Variants in ZNF473 observed in about 807,000 individuals in gnomAD.
ZNF473 encodes the protein zinc finger protein 100 homolog.
Under a neutral mutation model 11.1 loss-of-function variants are expected in ZNF473, and 4 were observed. The observed-to-expected ratio is 0.36, with a 90% CI of 0.18 to 0.82. The LOEUF (loss-of-function observed/expected upper bound fraction) is 0.82, where lower values mean the gene tolerates loss of function less well. Ranked by LOEUF, ZNF473 falls within the 40% of genes least tolerant of loss-of-function variation. The probability of loss-of-function intolerance (pLI) is 0.49; values close to 1 mark genes in which losing one functional copy is unlikely to be tolerated. For synonymous variants in ZNF473, 404 were observed against 390.4 expected (o/e 1.03, Z -0.41); for missense variants, 854 against 1,084.0 (o/e 0.79, Z 2.98).
At position 50,039,257 on chromosome 19, in the gene ZNF473, T is replaced by C. The variant is rs1978642351; in HGVS notation, c.106T>C (p.Leu36=). The C allele has an allele frequency of 1.2e-6, 2 of 1,614,090 alleles. No homozygotes were observed. The highest frequency in any genetic ancestry group is 1.3e-5 in the African/African-American group (1 of 75,042). ...GGGGGACACGTTCTGGGACACAGCGTTGGACAATTGCCAGGACCTCTTCCT... is the reference window on the plus strand; with the variant it reads ...GGGGGACACGTTCTGGGACACAGCGCTGGACAATTGCCAGGACCTCTTCCT... ...EQGDTFWDTA[L]DNCQDLFLLD... The change falls in exon 3 of 5, where the codon TTG becomes CTG. Residue 36 remains leucine (L), a synonymous_variant. Transcript: ENST00000270617. This position sits in a 1 kb window ranked among gnomAD's most constrained non-coding sequence, Gnocchi z 4.8.
At chr19:50,031,906 A>G (rs2077320090) in intron 2 of ZNF473, among the ~76,000 whole-genome samples, 1 of 151,650 alleles carries the variant, frequency 6.6e-6, no homozygotes, top group East Asian at 1.9e-4. Context: ...GCTTTCCCTG[A>G]CCTCAAGGCA....
chr19:50,026,783 G>A (rs1030453501), intron 1 of ZNF473, among the ~76,000 whole-genome samples: 5 of 152,108 alleles, frequency 3.3e-5, no homozygotes, highest in Admixed American at 1.3e-4. Flanking sequence ...AGAGGTTGCA[G>A]TGAGCTGAGA....
At position 50,045,769 on chromosome 19, in the gene ZNF473, G is replaced by T. The variant is rs767415345; in HGVS notation, c.1326G>T (p.Arg442=). The change falls in exon 5 of 5, where the codon CGG becomes CGT. Residue 442 remains arginine, a synonymous_variant. Coordinates refer to ENST00000270617, the MANE Select transcript of ZNF473 (RefSeq NM_015428.4). ...KCSECGKAFH[R]HTHLNEHRRI... ...GTGAGTGTGGGAAGGCCTTCCACCG[G>T]CACACTCACCTTAATGAACATCGGC... The T allele has an allele frequency of 1.2e-6, 2 of 1,613,898 alleles. No homozygotes were observed. The highest frequency in any genetic ancestry group is 1.1e-5 in the South Asian group (1 of 91,074).
chr19:50,037,637 A>G (rs778252384), intron 2 of ZNF473, among the ~76,000 whole-genome samples: 7 of 150,922 alleles, frequency 4.6e-5, no homozygotes, highest in Non-Finnish European at 8.8e-5. Flanking sequence ...CCTGGGCAAC[A>G]TGGCAAGACT....
rs1467519102 is a variant in ZNF473, at chr19:50,048,268, G to GT, written c.*1212dup. ...TACCAGTGTCTTGTCAGCTCTGGGT[G>GT]TTTGTTCCCTGCCACTAAGTGGCTC... On this transcript the variant is annotated 3_prime_UTR_variant, in exon 5 of 5. Coordinates refer to ENST00000270617, the MANE Select transcript of ZNF473 (RefSeq NM_015428.4). 1.3e-5 allele frequency: 2 copies of GT among 152,268 alleles called. No homozygotes were observed. The highest frequency in any genetic ancestry group is 2.9e-5 in the Non-Finnish European group (2 of 68,054). 9.4% of individuals were successfully genotyped at this position (152,268 alleles called of 1,614,324 possible).
intron 1 of ZNF473, among the ~76,000 whole-genome samples, chr19:50,026,985 T>G (rs1039769527): frequency 6.6e-6 from 1 of 152,084 alleles, no homozygotes; most frequent in South Asian, 2.1e-4. Flanking sequence ...GTACTTAACA[T>G]TTACAGTATT....
chr19:50,044,072 C>T (rs1034825069), intron 4 of ZNF473, among the ~76,000 whole-genome samples: 5 of 152,076 alleles, frequency 3.3e-5, no homozygotes, highest in Non-Finnish European at 5.9e-5. Context: ...GATCCATTAA[C>T]TACAAAGCCC....
chr19:50,031,685 C>T (rs1021241692), intron 2 of ZNF473, among the ~76,000 whole-genome samples: 36 of 152,154 alleles, frequency 2.4e-4, no homozygotes, highest in African/African-American at 8.2e-4. Flanking sequence ...CTGTCAGCCC[C>T]ACCAGACTAG....
chr19:50,030,897 C>G lies in ZNF473; in HGVS notation c.-186C>G. The G allele has an allele frequency of 4.0e-6, 3 of 758,810 alleles. No homozygotes were observed. Among genetic ancestry groups the G allele is most frequent in the Non-Finnish European group, 6.7e-6 (3 of 449,450 alleles). 47.0% of individuals were successfully genotyped at this position (758,810 alleles called of 1,614,324 possible). A position where few individuals can be genotyped will look rare whatever the true frequency, so the allele number is the denominator to read the frequency against. On this transcript the variant is annotated 5_prime_UTR_variant, in exon 2 of 5. Coordinates refer to ENST00000270617, the MANE Select transcript of ZNF473 (RefSeq NM_015428.4). ...GTTGTTGTTGTCCCCTGCAGGGAGACTCACATTGGGACTTGTCCTCCTCCT... is the reference window on the plus strand; with the variant it reads ...GTTGTTGTTGTCCCCTGCAGGGAGAGTCACATTGGGACTTGTCCTCCTCCT...
chr19:50,038,503 G>C (rs1051875124), intron 2 of ZNF473, among the ~76,000 whole-genome samples: 2 of 152,156 alleles, frequency 1.3e-5, no homozygotes, highest in Non-Finnish European at 2.9e-5. Context: ...AGGTGACACT[G>C]CATGGAAGCA....
At chr19:50,026,482 T>C (rs8109836) in intron 1 of ZNF473, among the ~76,000 whole-genome samples, 7,751 of 145,444 alleles carry the variant, frequency 0.053, 660 homozygotes, top group African/African-American at 0.19. Context: ...ACCCAGGAGC[T>C]GGAGGTTGCA....
intron 1 of ZNF473, among the ~76,000 whole-genome samples, chr19:50,027,174 C>G (rs866490159): frequency 6.6e-6 from 1 of 152,098 alleles, no homozygotes; most frequent in East Asian, 1.9e-4. Flanking sequence ...AGCACCCCCC[C>G]ACACCCCGAG....
intron 4 of ZNF473, 180 bp from the exon 5 acceptor site, chr19:50,044,490 A>G (rs945349287): frequency 5.2e-6 from 3 of 577,350 alleles, no homozygotes; most frequent in Admixed American, 6.1e-5. Flanking sequence ...TGGTTTCCCA[A>G]CTCCCTTCTT....
chr19:50,031,148 C>CTT, intron 2 of ZNF473, 57 bp downstream of exon 2: 1 of 1,554,654 alleles, frequency 6.4e-7, no homozygotes, highest in Non-Finnish European at 8.7e-7. Context: ...AAAAATTGGC[C>CTT]TTCCTTTGTG....
chr19:50,045,776 C>T lies in ZNF473; in HGVS notation c.1333C>T (p.His445Tyr). 1 of 1,614,138 alleles carries T rather than the reference C, an allele frequency of 6.2e-7. No individual in the cohort carries two copies. Among genetic ancestry groups the T allele is most frequent in the Non-Finnish European group, 8.5e-7 (1 of 1,180,028 alleles). ...ECGKAFHRHT[H>Y]LNEHRRIHTG... is the part of the protein sequence containing the mutation. ...TGGGAAGGCCTTCCACCGGCACACTCACCTTAATGAACATCGGCGAATTCA... is the reference window on the plus strand; with the variant it reads ...TGGGAAGGCCTTCCACCGGCACACTTACCTTAATGAACATCGGCGAATTCA... The change falls in exon 5 of 5, where the codon CAC becomes TAC. Residue 445 changes from histidine to tyrosine, a missense_variant. This residue lies in a region of ZNF473 where 668 missense variants were observed against 790.2 expected (regional missense o/e 0.85). Coordinates refer to ENST00000270617, the MANE Select transcript of ZNF473 (RefSeq NM_015428.4).
intron 2 of ZNF473, among the ~76,000 whole-genome samples, chr19:50,036,780 A>G (rs1236347548): frequency 2.0e-5 from 3 of 152,146 alleles, no homozygotes; most frequent in Non-Finnish European, 4.4e-5. Context: ...GCGTTGTGCC[A>G]TTTTAGGGCT....
chr19:50,044,566 G>T (rs560034567), intron 4 of ZNF473, 104 bp from the exon 5 acceptor site: 62 of 929,612 alleles, frequency 6.7e-5, no homozygotes, highest in Non-Finnish European at 9.2e-5. Context: ...CACCCCTTTG[G>T]GTCCCTTGAT....
At chr19:50,034,180 G>T (rs1388499602) in intron 2 of ZNF473, among the ~76,000 whole-genome samples, 1 of 152,122 alleles carries the variant, frequency 6.6e-6, no homozygotes, top group Non-Finnish European at 1.5e-5. Context: ...AGGGTCTTCT[G>T]TCTTTCACAC....
At position 50,045,810 on chromosome 19, in the gene ZNF473, A is replaced by G. The variant is rs1203864440; in HGVS notation, c.1367A>G (p.Tyr456Cys). The change falls in exon 5 of 5, where the codon TAC becomes TGC. Residue 456 changes from tyrosine to cysteine, a missense_variant. This residue lies in a region of ZNF473 where 668 missense variants were observed against 790.2 expected (regional missense o/e 0.85). Coordinates refer to ENST00000270617, the MANE Select transcript of ZNF473 (RefSeq NM_015428.4). ...GAACATCGGCGAATTCATACAGGCT[A>G]CAGACCCCACAAATGTCAGGAATGC... ...LNEHRRIHTG[Y>C]RPHKCQECVR... The G allele has an allele frequency of 1.9e-6, 3 of 1,614,098 alleles. No individual in the cohort carries two copies. The highest frequency in any genetic ancestry group is 1.7e-5 in the Admixed American group (1 of 60,024).
Sources: gnomAD v4.1 joint callset for allele counts (sites outside exome capture counted in the v4.1 genomes callset) on GRCh38, gnomAD v4.1.1 for gene constraint, gnomAD v4.1.1 regional missense constraint, Gnocchi (gnomAD v3.1) non-coding constraint, MANE v1.5 for transcripts, NCBI Gene and HGNC (gene_info 2026-07-23, HGNC 2026-07-21) for gene names.